ANKRD53: variants seen among roughly 807,000 people sequenced by gnomAD.
ANKRD53 encodes ankyrin repeat domain 53.
In ANKRD53, 27 loss-of-function variants were observed where a neutral mutation model predicts 30.1. The ratio of observed to expected loss-of-function variants is 0.90; its 90% CI spans 0.66 to 1.24. ANKRD53 has a LOEUF of 1.24. ANKRD53 is among the 50% of genes most tolerant of loss of function. The probability of loss-of-function intolerance (pLI) is 0.00; values close to 1 mark genes in which losing one functional copy is unlikely to be tolerated. For synonymous variants in ANKRD53, 286 were observed against 295.4 expected, an observed-to-expected ratio of 0.97 and a Z score of 0.33; for missense variants, 682 against 721.0, an observed-to-expected ratio of 0.95 and a Z score of 0.62.
intron 5 of ANKRD53, chr2:70,984,022 C>A: frequency 1.7e-6 from 2 of 1,146,304 alleles, no homozygotes; most frequent in Non-Finnish European, 2.6e-6. Flanking sequence ...GCCTGGAGAG[C>A]CAGCCAACTG....
At chr2:70,983,731 T>C (rs1269907917) in intron 5 of ANKRD53, among the ~76,000 whole-genome samples, 2 of 152,194 alleles carry the variant, frequency 1.3e-5, no homozygotes, top group Non-Finnish European at 2.9e-5. Flanking sequence ...TCATCTCTTA[T>C]GGCCTCAATT....
At chr2:70,984,337 A>T in intron 5 of ANKRD53, 1 of 1,606,252 alleles carries the variant, frequency 6.2e-7, no homozygotes, top group East Asian at 2.2e-5. Flanking sequence ...CATCTCTCCC[A>T]TCAGATTGGA....
At position 70,979,798 on chromosome 2, in the gene ANKRD53, C is replaced by CA; in HGVS notation, c.557dup (p.Asn186LysfsTer36). ...CCCTGCACCTCGTCATCCACAGGGA[C>CA]AACACCACCGTGGCCCTCCCCTGCA... On this transcript the variant is annotated frameshift_variant, in exon 3 of 6. Transcript: ENST00000360589. LOFTEE classifies it high-confidence loss of function. The CA allele has an allele frequency of 6.2e-7, 1 of 1,614,264 alleles. No individual in the cohort carries two copies. Among genetic ancestry groups the CA allele is most frequent in the Non-Finnish European group, 8.5e-7 (1 of 1,180,052 alleles).
rs373958945 is a variant in ANKRD53, at chr2:70,983,472, T to C, written c.903+775T>C. Reference sequence around the variant, plus strand: ...GGGATTTTAAGCAGGTGTAATTACATAGGGTGCAAAACCCAGAAAACTCAG... The same window carrying C: ...GGGATTTTAAGCAGGTGTAATTACACAGGGTGCAAAACCCAGAAAACTCAG... On this transcript the variant is annotated intron_variant, in intron 5 of 5. Transcript: ENST00000360589. Among the ~76,000 whole-genome samples, 78 of 152,302 alleles carry C rather than the reference T, an allele frequency of 5.1e-4. 3 individuals are homozygous for C. The South Asian group carries it at 0.014, about 28-fold the overall frequency.
rs147933653 is a variant in ANKRD53, at chr2:70,979,860, C to G, written c.617C>G (p.Ala206Gly). 1.1e-5 allele frequency: 18 copies of G among 1,614,072 alleles called. No individual in the cohort carries two copies. The highest frequency in any genetic ancestry group is 1.4e-5 in the Non-Finnish European group (17 of 1,180,028). The change falls in exon 3 of 6, where the codon GCT becomes GGT. Residue 206 changes from alanine (A) to glycine (G), a missense_variant and splice_region_variant. Physicochemically the swap from Ala to Gly is moderately conservative, Grantham distance 60. Transcript: ENST00000360589. ...YLLEKGADLN[A>G]QTCNGSTPLH... The stretch of plus-strand genomic sequence containing the variant: ...CTGGAGAAAGGCGCAGACCTCAATG[C>G]GTGAGTCCAGCCTGCTTCAGGAGGG...
Position 70,985,067 on chromosome 2 carries a change from G to A in ANKRD53, c.1360G>A (p.Val454Met), listed in dbSNP as rs1406944349. 3.9e-6 allele frequency: 6 copies of A among 1,550,264 alleles called. No individual in the cohort carries two copies. The East Asian group carries it at 7.3e-5, about 19-fold the overall frequency. ...GCCCGTGCCGCGGCTGCCTTTTGAG[G>A]TGCTGCTGCGCATGCTGTACCCACG... is the stretch of plus-strand genomic sequence containing the variant. The part of the protein sequence containing the change: ...VAPVPRLPFE[V>M]LLRMLYPRVW... Residue 454 changes from valine to methionine, a missense_variant, in exon 6 of 6, where the codon GTG becomes ATG. By Grantham distance (21) the Val-to-Met change is conservative. Transcript: ENST00000360589.
rs535667429 is a variant in ANKRD53 at position 70,981,885 on chromosome 2, C to G, written c.618-51C>G. Reference sequence around the variant, plus strand: ...TGTCCATCTATCTGATGGACAGATGCTCTTTGTCTTTCCTTTCTGCCCTTA... The same window carrying G: ...TGTCCATCTATCTGATGGACAGATGGTCTTTGTCTTTCCTTTCTGCCCTTA... On this transcript the variant is annotated intron_variant, in intron 3 of 5. Transcript: ENST00000360589. 5 of 1,491,192 alleles carry G rather than the reference C, an allele frequency of 3.4e-6. No homozygotes were observed. The South Asian group carries it at 5.5e-5, about 16-fold the overall frequency. The allele number at this position is 1,491,192 out of a possible 1,614,324, so 92.4% of individuals were successfully genotyped here.
At position 70,985,079 on chromosome 2, in the gene ANKRD53, A is replaced by G. The variant is rs1468499156; in HGVS notation, c.1372A>G (p.Met458Val). The G allele has an allele frequency of 2.4e-5, 37 of 1,550,486 alleles. No individual in the cohort carries two copies. Among genetic ancestry groups the G allele is most frequent in the Non-Finnish European group, 3.0e-5 (34 of 1,146,994 alleles). Residue 458 changes from methionine to valine, a missense_variant, in exon 6 of 6, where the codon ATG becomes GTG. Coordinates refer to ENST00000360589, the MANE Select transcript of ANKRD53 (RefSeq NM_001115116.2). ...GCTGCCTTTTGAGGTGCTGCTGCGC[A>G]TGCTGTACCCACGTGTATGGCCATA... is the stretch of plus-strand genomic sequence containing the variant. ...PRLPFEVLLR[M>V]LYPRVWPYRM...
At position 70,984,772 on chromosome 2, in the gene ANKRD53, C is replaced by T. The variant is rs782803726; in HGVS notation, c.1065C>T (p.Pro355=). 24 of 1,569,306 alleles carry T rather than the reference C, an allele frequency of 1.5e-5. No individual in the cohort carries two copies. The highest frequency in any genetic ancestry group is 6.8e-5 in the African/African-American group (5 of 73,824). ...CGCAGCGTTCCAGGAGCTTCCACCC[C>T]TCTGTGGATGCACGCCTGCAATGCA... is the stretch of plus-strand genomic sequence containing the variant. ...RESQRSRSFH[P]SVDARLQCIP... The change falls in exon 6 of 6, where the codon CCC becomes CCT. Residue 355 remains proline (P), a synonymous_variant. Coordinates refer to ENST00000360589, the MANE Select transcript of ANKRD53 (RefSeq NM_001115116.2).
At position 70,984,713 on chromosome 2, in the gene ANKRD53, A is replaced by G; in HGVS notation, c.1006A>G (p.Thr336Ala). Residue 336 changes from threonine (T) to alanine (A), a missense_variant, in exon 6 of 6, where the codon ACC (threonine) becomes GCC (alanine). By Grantham distance (58) the Thr-to-Ala change is moderately conservative. Coordinates refer to ENST00000360589, the MANE Select transcript of ANKRD53 (RefSeq NM_001115116.2). ...CTCCAATACCAAGCAAGCCCGGGCC[A>G]CCGCCCTCTCCAAGACCCCAGAGCA... Reference protein sequence around the residue: ...LVSNTKQARATALSKTPEQRE... With the variant: ...LVSNTKQARAAALSKTPEQRE... 6.2e-7 allele frequency: 1 copy of G among 1,611,266 alleles called. No homozygotes were observed.
rs573733879 is a variant in ANKRD53 at position 70,982,225 on chromosome 2, C to T, written c.782+125C>T. The T allele has an allele frequency of 3.1e-4, 363 of 1,154,954 alleles. No homozygotes were observed. The highest frequency in any genetic ancestry group is 6.1e-4 in the South Asian group (37 of 60,886). 71.5% of individuals were successfully genotyped at this position (1,154,954 alleles called of 1,614,324 possible). A position where few individuals can be genotyped will look rare whatever the true frequency, so the allele number is the denominator to read the frequency against. Reference sequence around the variant, plus strand: ...TGGGAAGCCAGACAGCTGGAGGATGCGCCTACTGCCCAGGATATTTTGGAT... The same window carrying T: ...TGGGAAGCCAGACAGCTGGAGGATGTGCCTACTGCCCAGGATATTTTGGAT... On this transcript the variant is annotated intron_variant, in intron 4 of 5. Coordinates refer to ENST00000360589, the MANE Select transcript of ANKRD53 (RefSeq NM_001115116.2). The surrounding 1 kb of genome is among the most constrained non-coding windows in gnomAD (Gnocchi z 4.2).
rs1670163938 is a variant in ANKRD53 at position 70,985,458 on chromosome 2, G to A, written c.*158G>A. The A allele has an allele frequency of 1.5e-6, 1 of 663,292 alleles. No homozygotes were observed. The highest frequency in any genetic ancestry group is 2.5e-6 in the Non-Finnish European group (1 of 400,892). 41.1% of individuals were successfully genotyped at this position (663,292 alleles called of 1,614,324 possible). Reference sequence around the variant, plus strand: ...TCCCAATCAAAAGCCCAGACCCCAGGCCTCCCTTTTCTCTGCAAATAAATC... The same window carrying A: ...TCCCAATCAAAAGCCCAGACCCCAGACCTCCCTTTTCTCTGCAAATAAATC... On this transcript the variant is annotated 3_prime_UTR_variant, in exon 6 of 6. Coordinates refer to ENST00000360589, the MANE Select transcript of ANKRD53 (RefSeq NM_001115116.2).
Position 70,979,841 on chromosome 2 carries a change from A to G in ANKRD53, c.598A>G (p.Lys200Glu). 3.7e-6 allele frequency: 6 copies of G among 1,614,226 alleles called. No homozygotes were observed. Among genetic ancestry groups the G allele is most frequent in the Non-Finnish European group, 5.1e-6 (6 of 1,180,038 alleles). The part of the protein sequence containing the change: ...ALPCIYYLLE[K>E]GADLNAQTCN... ...CCCCTGCATCTACTACCTGCTGGAG[A>G]AAGGCGCAGACCTCAATGCGTGAGT... Residue 200 changes from lysine (K) to glutamate (E), a missense_variant, in exon 3 of 6, where the codon AAA (lysine) becomes GAA (glutamate). By Grantham distance (56) the Lys-to-Glu change is moderately conservative. Coordinates refer to ENST00000360589, the MANE Select transcript of ANKRD53 (RefSeq NM_001115116.2).
At chr2:70,979,392 G>A (rs371048286) in intron 2 of ANKRD53, 49 bp downstream of exon 2, 4 of 1,608,614 alleles carry the variant, frequency 2.5e-6, no homozygotes, top group East Asian at 2.2e-5. Flanking sequence ...CTCCCGCTAC[G>A]CTGCTCGGAG....
rs782492208 is a variant in ANKRD53 at position 70,978,673 on chromosome 2, C to T, written c.28C>T (p.Arg10Trp). MASAGSTAR[R>W]AGSGSWHSER... Reference sequence around the variant, plus strand: ...GGCCTCCGCGGGCAGCACCGCTCGGCGGGCGGGCTCCGGAAGCTGGCACTC... The same window carrying T: ...GGCCTCCGCGGGCAGCACCGCTCGGTGGGCGGGCTCCGGAAGCTGGCACTC... The change falls in exon 1 of 6, where the codon CGG becomes TGG. Residue 10 changes from arginine to tryptophan, a missense_variant. Transcript: ENST00000360589. This position sits in a 1 kb window ranked among gnomAD's most constrained non-coding sequence, Gnocchi z 4.3. 1.3e-6 allele frequency: 2 copies of T among 1,543,044 alleles called. No homozygotes were observed. Among genetic ancestry groups the T allele is most frequent in the Non-Finnish European group, 1.7e-6 (2 of 1,144,806 alleles).
chr2:70,980,207 C>T (rs777969556), intron 3 of ANKRD53, among the ~76,000 whole-genome samples: 82 of 150,874 alleles, frequency 5.4e-4, no homozygotes, highest in Non-Finnish European at 9.7e-4. Flanking sequence ...CCCAGCTATT[C>T]GGGAGGCTGA....
In ANKRD53 at chr2:70,980,184, G is replaced by A. The variant is rs554900420; in HGVS notation, c.617+324G>A. ...TACAAAATTAGCAGGGCATGGTGGCGCATGCCTGTAATCCCAGCTATTCGG... is the reference window on the plus strand; with the variant it reads ...TACAAAATTAGCAGGGCATGGTGGCACATGCCTGTAATCCCAGCTATTCGG... On this transcript the variant is annotated intron_variant, in intron 3 of 5. Transcript: ENST00000360589. Among the ~76,000 whole-genome samples, 11 of 152,202 alleles carry A rather than the reference G, an allele frequency of 7.2e-5. No homozygotes were observed. The South Asian group carries it at 1.0e-3, about 14-fold the overall frequency.
In ANKRD53 at chr2:70,979,009, C is replaced by T. The variant is rs1036787917; in HGVS notation, c.171-88C>T. 7 of 1,470,698 alleles carry T rather than the reference C, an allele frequency of 4.8e-6. No individual in the cohort carries two copies. The Admixed American group carries it at 1.5e-4, about 31-fold the overall frequency. The allele number at this position is 1,470,698 out of a possible 1,614,324, so 91.1% of individuals were successfully genotyped here. A position where few individuals can be genotyped will look rare whatever the true frequency, so the allele number is the denominator to read the frequency against. On this transcript the variant is annotated intron_variant, in intron 1 of 5. Coordinates refer to ENST00000360589, the MANE Select transcript of ANKRD53 (RefSeq NM_001115116.2). The stretch of plus-strand genomic sequence containing the variant: ...CAGAGTCGCTTCCCCACTGCCCCGC[C>T]CACCAGCCAGGCGGGGGCCAGGGAT...
In ANKRD53 at chr2:70,979,363, G is replaced by C; in HGVS notation, c.417+20G>C. The C allele has an allele frequency of 6.2e-7, 1 of 1,612,764 alleles. No individual in the cohort carries two copies. Among genetic ancestry groups the C allele is most frequent in the Non-Finnish European group, 8.5e-7 (1 of 1,179,464 alleles). On this transcript the variant is annotated intron_variant, in intron 2 of 5. Transcript: ENST00000360589. ...GACAAGGTAAGGTCTTGAGTGTTGG[G>C]GCAAAGACCGAGGTCCCTCTCCCGC...
Sources: gnomAD v4.1 joint callset for allele counts (sites outside exome capture counted in the v4.1 genomes callset) on GRCh38, gnomAD v4.1.1 for gene constraint, Gnocchi (gnomAD v3.1) non-coding constraint, MANE v1.5 for transcripts, NCBI Gene and HGNC (gene_info 2026-07-23, HGNC 2026-07-21) for gene names.